The following MVB12B variants were observed in gnomAD, a reference collection of about 807,000 sequenced individuals.
The protein encoded by MVB12B is multivesicular body subunit 12B.
A neutral mutation model predicts 41.6 loss-of-function variants in MVB12B; 16 were observed. That is an observed-to-expected ratio of 0.38 (90% CI 0.26 to 0.58). MVB12B has a LOEUF of 0.58. Ranked by LOEUF, MVB12B falls within the 20% of genes least tolerant of loss-of-function variation. The probability of loss-of-function intolerance (pLI) is 0.62; values close to 1 mark genes in which losing one functional copy is unlikely to be tolerated. For synonymous variants in MVB12B, 133 were observed against 139.7 expected, an observed-to-expected ratio of 0.95 and a Z score of 0.34; for missense variants, 274 against 380.2, an observed-to-expected ratio of 0.72 and a Z score of 2.32.
intron 2 of MVB12B, among the ~76,000 whole-genome samples, chr9:126,380,285 C>G (rs897928609): frequency 3.9e-5 from 6 of 152,188 alleles, no homozygotes; most frequent in African/African-American, 1.2e-4. Flanking sequence ...CCTTTGCACT[C>G]TCTCCCACAA....
At chr9:126,404,986 T>G (rs1211404057) in intron 6 of MVB12B, among the ~76,000 whole-genome samples, 1 of 152,212 alleles carries the variant, frequency 6.6e-6, no homozygotes, top group Admixed American at 6.5e-5. Context: ...TTGTTAGATA[T>G]GAATGATGAG....
intron 9 of MVB12B, among the ~76,000 whole-genome samples, chr9:126,484,349 G>A (rs930568407): frequency 3.3e-5 from 5 of 152,246 alleles, no homozygotes; most frequent in Non-Finnish European, 7.3e-5. Context: ...GAGGTTGGAG[G>A]ACAGGCACCA....
intron 1 of MVB12B, among the ~76,000 whole-genome samples, chr9:126,336,551 G>T (rs1451135165): frequency 6.6e-6 from 1 of 152,248 alleles, no homozygotes; most frequent in East Asian, 1.9e-4. Context: ...GGGAGCTGGG[G>T]CCTCCCCAAG....
chr9:126,335,146 C>T, intron 1 of MVB12B: 1 of 958,138 alleles, frequency 1.0e-6, no homozygotes, highest in South Asian at 2.4e-5. Flanking sequence ...CCTTAGTTGC[C>T]CAACAACTTA....
At chr9:126,416,997 C>T (rs995320030) in intron 6 of MVB12B, among the ~76,000 whole-genome samples, 3 of 152,218 alleles carry the variant, frequency 2.0e-5, no homozygotes, top group Non-Finnish European at 2.9e-5. Flanking sequence ...GTAATCTGTC[C>T]CTGGGGCCCA....
intron 2 of MVB12B, among the ~76,000 whole-genome samples, chr9:126,359,955 A>T (rs939303467): frequency 3.3e-5 from 5 of 152,050 alleles, no homozygotes; most frequent in Non-Finnish European, 7.4e-5. Context: ...TTCACTTTTT[A>T]AAATTTTTTC....
At chr9:126,404,770 A>G (rs906117744) in intron 6 of MVB12B, among the ~76,000 whole-genome samples, 1 of 152,236 alleles carries the variant, frequency 6.6e-6, no homozygotes, top group Non-Finnish European at 1.5e-5. Flanking sequence ...CTCGCTTTGA[A>G]GCGGGCGTTT....
chr9:126,365,888 G>GCA (rs1830167302), intron 2 of MVB12B, among the ~76,000 whole-genome samples: 4 of 152,170 alleles, frequency 2.6e-5, no homozygotes, highest in Admixed American at 2.6e-4. Flanking sequence ...GCACTTGCCT[G>GCA]CATGGAATTT....
At chr9:126,396,377 A>T in intron 6 of MVB12B, 1 of 985,532 alleles carries the variant, frequency 1.0e-6, no homozygotes, top group Non-Finnish European at 1.2e-6. Context: ...AACAGCACTG[A>T]TGGATTAAGC....
intron 7 of MVB12B, among the ~76,000 whole-genome samples, chr9:126,460,328 G>A (rs1485920126): frequency 6.6e-6 from 1 of 152,272 alleles, no homozygotes; most frequent in African/African-American, 2.4e-5. Context: ...AAAAAGGAAA[G>A]CATTCCACAA....
chr9:126,482,761 G>C (rs564320725), intron 8 of MVB12B, among the ~76,000 whole-genome samples: 5 of 152,316 alleles, frequency 3.3e-5, no homozygotes, highest in African/African-American at 1.2e-4. Context: ...CGGTGGCCCC[G>C]TCCCAAGATC....
chr9:126,500,182 C>A (rs1833924577), intron 9 of MVB12B, among the ~76,000 whole-genome samples: 2 of 151,808 alleles, frequency 1.3e-5, no homozygotes, highest in Admixed American at 1.3e-4. Flanking sequence ...CCCAGGAACC[C>A]GGCCCAGTAG....
intron 4 of MVB12B, among the ~76,000 whole-genome samples, chr9:126,388,404 A>G (rs1163427284): frequency 1.3e-5 from 2 of 152,244 alleles, no homozygotes; most frequent in Non-Finnish European, 2.9e-5. Context: ...ATATAACATT[A>G]TATGGATATA....
chr9:126,476,227 C>G (rs1226742674), intron 7 of MVB12B, among the ~76,000 whole-genome samples: 1 of 152,276 alleles, frequency 6.6e-6, no homozygotes, highest in Non-Finnish European at 1.5e-5. Context: ...TAAGGTGTTA[C>G]CGCTGAGCCT....
At chr9:126,481,978 A>G (rs945233687) in intron 8 of MVB12B, among the ~76,000 whole-genome samples, 5 of 152,238 alleles carry the variant, frequency 3.3e-5, no homozygotes, top group Non-Finnish European at 2.9e-5. Context: ...TCTCCTGCCC[A>G]TGCCAGTCCA....
intron 7 of MVB12B, among the ~76,000 whole-genome samples, chr9:126,474,107 G>A (rs1469170874): frequency 6.6e-6 from 1 of 152,188 alleles, no homozygotes; most frequent in Non-Finnish European, 1.5e-5. Flanking sequence ...AGTGCAGACT[G>A]GTCAGGCAGC....
At position 126,395,675 on chromosome 9, in the gene MVB12B, A is replaced by G. The variant is rs918208813; in HGVS notation, c.640A>G (p.Thr214Ala). 6.2e-7 allele frequency: 1 copy of G among 1,613,702 alleles called. No individual in the cohort carries two copies. Among genetic ancestry groups the G allele is most frequent in the African/African-American group, 1.3e-5 (1 of 74,798 alleles). ...GCCTTCCCAGTCATCAGCTGCCTCC[A>G]CCCCAGCCCCCAACCTTCCCAGGTG... Reference protein sequence around the residue: ...TTPSQSSAASTPAPNLPRHIS... With the variant: ...TTPSQSSAASAPAPNLPRHIS... The change falls in exon 6 of 10, where the codon ACC (threonine) becomes GCC (alanine). Residue 214 changes from threonine to alanine, a missense_variant. Physicochemically the swap from Thr to Ala is moderately conservative, Grantham distance 58. Transcript: ENST00000361171. The surrounding 1 kb of genome is among the most constrained non-coding windows in gnomAD (Gnocchi z 4.9).
At chr9:126,374,309 A>G (rs980552078) in intron 2 of MVB12B, among the ~76,000 whole-genome samples, 2 of 152,228 alleles carry the variant, frequency 1.3e-5, no homozygotes, top group Non-Finnish European at 2.9e-5. Flanking sequence ...TCTTTCAGGG[A>G]TTAAGGGAGT....
At chr9:126,415,160 T>TC (rs1312534319) in intron 6 of MVB12B, among the ~76,000 whole-genome samples, 1 of 152,180 alleles carries the variant, frequency 6.6e-6, no homozygotes, top group East Asian at 1.9e-4. Context: ...GCTTCCTCCC[T>TC]CCTCCAGGTA....
Sources: gnomAD v4.1 joint callset for allele counts (sites outside exome capture counted in the v4.1 genomes callset) on GRCh38, gnomAD v4.1.1 for gene constraint, Gnocchi (gnomAD v3.1) non-coding constraint, MANE v1.5 for transcripts, NCBI Gene and HGNC (gene_info 2026-07-23, HGNC 2026-07-21) for gene names.